The following LRBA variants were observed in gnomAD, a reference collection of about 807,000 sequenced individuals.
LRBA encodes the protein lipopolysaccharide-responsive and beige-like anchor protein.
Under a neutral mutation model 330.0 loss-of-function variants are expected in LRBA, and 176 were observed. That is an observed-to-expected ratio of 0.53 (90% confidence interval 0.47 to 0.60). The LOEUF (loss-of-function observed/expected upper bound fraction) is 0.60. LRBA is among the 20% of genes least tolerant of loss of function. The pLI, the probability that LRBA is intolerant of heterozygous loss-of-function variation, is 0.00. For missense variants in LRBA, 3,259 were observed against 3,444.8 expected (o/e 0.95, Z 1.35); for synonymous variants, 1,230 against 1,193.0 (o/e 1.03, Z -0.64).
intron 16 of LRBA, among the ~76,000 whole-genome samples, chr4:150,895,787 G>A (rs898868497): frequency 3.9e-5 from 6 of 152,110 alleles, no homozygotes; most frequent in African/African-American, 1.4e-4. Flanking sequence ...ATAATCCTTT[G>A]GGTATATACC....
chr4:150,685,323 T>TTG (rs1248201576), intron 36 of LRBA, among the ~76,000 whole-genome samples: 2 of 139,226 alleles, frequency 1.4e-5, no homozygotes, highest in East Asian at 2.1e-4. Context: ...TTGGTTTTTT[T>TTG]TGTTCCTTAC....
At chr4:150,559,569 T>C (rs1195891503) in intron 40 of LRBA, among the ~76,000 whole-genome samples, 2 of 120,260 alleles carry the variant, frequency 1.7e-5, no homozygotes, top group African/African-American at 6.3e-5. Context: ...TTTATATAAA[T>C]ATATAAATAT....
intron 35 of LRBA, among the ~76,000 whole-genome samples, chr4:150,741,392 A>C (rs1363468865): frequency 1.3e-5 from 2 of 152,172 alleles, no homozygotes; most frequent in African/African-American, 2.4e-5. Context: ...AATGGTGAAT[A>C]AGATTATGAA....
At chr4:150,723,950 G>A (rs779553649) in intron 36 of LRBA, among the ~76,000 whole-genome samples, 1 of 152,228 alleles carries the variant, frequency 6.6e-6, no homozygotes, top group African/African-American at 2.4e-5. Context: ...GGTGGTGGGG[G>A]TGGCCACAGG....
intron 2 of LRBA, among the ~76,000 whole-genome samples, chr4:151,003,820 C>T (rs1210923008): frequency 6.6e-6 from 1 of 151,798 alleles, no homozygotes; most frequent in Admixed American, 6.6e-5. Flanking sequence ...AAAACCAACA[C>T]ATAGACGAAT....
rs35393002 is a variant in LRBA, at chr4:150,432,453, CTTTTTTTT to C, written c.7041+3128_7041+3135del. On this transcript the variant is annotated intron_variant, in intron 46 of 56. Transcript: ENST00000651943. Reference sequence around the variant, plus strand: ...TATATTACAGTAATTTAAGTGTGTTCTTTTTTTTTTTTTTTTTTTTTTTTGAGACACAG... The same window carrying C: ...TATATTACAGTAATTTAAGTGTGTTCTTTTTTTTTTTTTTTTGAGACACAG... Among the ~76,000 whole-genome samples the C allele has an allele frequency of 3.1e-3, 305 of 98,432 alleles. 3 individuals are homozygous for C. Among genetic ancestry groups the C allele is most frequent in the Middle Eastern group, 8.5e-3 (1 of 118 alleles). 64.6% of individuals were successfully genotyped at this position (98,432 alleles called of 152,430 possible).
At chr4:150,788,992 T>G (rs1739503853) in intron 34 of LRBA, among the ~76,000 whole-genome samples, 1 of 151,938 alleles carries the variant, frequency 6.6e-6, no homozygotes, top group African/African-American at 2.4e-5. Flanking sequence ...GAGAATCACT[T>G]GAACCTGGGA....
rs558632220 is a variant in LRBA at position 150,294,291 on chromosome 4, G to A, written c.8018-8257C>T. Among the ~76,000 whole-genome samples, 15 of 152,190 alleles carry A rather than the reference G, an allele frequency of 9.9e-5. No individual in the cohort carries two copies. The East Asian group carries it at 1.7e-3, about 18-fold the overall frequency. Reference sequence around the variant, plus strand: ...ATACAGTTGTCTTTTTGTGTCTCTCGCAAATACTAAGAATGCTTTAGTGAT... The same window carrying A: ...ATACAGTTGTCTTTTTGTGTCTCTCACAAATACTAAGAATGCTTTAGTGAT... On this transcript the variant is annotated intron_variant, in intron 53 of 56. Transcript: ENST00000651943.
chr4:150,417,523 C>T (rs1747954744), intron 46 of LRBA, among the ~76,000 whole-genome samples: 1 of 152,068 alleles, frequency 6.6e-6, no homozygotes, highest in Admixed American at 6.6e-5. Context: ...ACTAATTATT[C>T]TCATTTCAGT....
chr4:150,282,415 A>C, intron 55 of LRBA, 35 bp downstream of exon 55: 4 of 1,581,480 alleles, frequency 2.5e-6, no homozygotes, highest in Non-Finnish European at 3.5e-6. Flanking sequence ...TTGAGGTAAA[A>C]GTCGTGAATG....
intron 28 of LRBA, among the ~76,000 whole-genome samples, chr4:150,843,231 C>T (rs1749367359): frequency 6.6e-6 from 1 of 151,666 alleles, no homozygotes; most frequent in South Asian, 2.1e-4. Context: ...AGTGATAATA[C>T]TCCAAATTCT....
intron 36 of LRBA, among the ~76,000 whole-genome samples, chr4:150,715,659 G>T (rs2127056901): frequency 6.6e-6 from 1 of 152,316 alleles, no homozygotes; most frequent in South Asian, 2.1e-4. Context: ...ATTGCCAAGT[G>T]TTAGTGAAAG....
Position 150,851,973 on chromosome 4 carries a change from A to C in LRBA, c.3737T>G (p.Val1246Gly). The stretch of plus-strand genomic sequence containing the variant: ...CTCAGTATCTGTAGCAACATTGGAA[A>C]CATCCAACTTCGCAATCTTTTGCTC... ...SSEQKIAKLD[V>G]SNVATDTERL... is the part of the protein sequence containing the mutation. The change falls in exon 23 of 57, where the codon GTT (valine) becomes GGT (glycine). Residue 1246 changes from valine to glycine, a missense_variant. Val to Gly is a moderately radical substitution (Grantham distance 109). Transcript: ENST00000651943. 2 of 1,614,176 alleles carry C rather than the reference A, an allele frequency of 1.2e-6. No homozygotes were observed. The highest frequency in any genetic ancestry group is 8.5e-7 in the Non-Finnish European group (1 of 1,179,996).
chr4:150,288,679 C>A (rs1580907698), intron 53 of LRBA, among the ~76,000 whole-genome samples: 1 of 151,950 alleles, frequency 6.6e-6, no homozygotes, highest in East Asian at 1.9e-4. Flanking sequence ...CACAAAAATA[C>A]CATACAATGT....
chr4:150,855,932 T>C (rs1751170800), intron 22 of LRBA, among the ~76,000 whole-genome samples: 1 of 152,160 alleles, frequency 6.6e-6, no homozygotes, highest in Admixed American at 6.5e-5. Context: ...TTCAGCTTAT[T>C]TGAGAGAATA....
At chr4:150,745,350 T>G (rs936803904) in intron 35 of LRBA, among the ~76,000 whole-genome samples, 3 of 151,984 alleles carry the variant, frequency 2.0e-5, no homozygotes, top group Non-Finnish European at 4.4e-5. Context: ...CTATCATATC[T>G]CTATAGAAGC....
chr4:150,494,711 G>A (rs1240741133), intron 40 of LRBA, among the ~76,000 whole-genome samples: 1 of 152,166 alleles, frequency 6.6e-6, no homozygotes, highest in Non-Finnish European at 1.5e-5. Context: ...ATATTCAGTA[G>A]TAGGCGGGGC....
At chr4:150,911,031 T>A (rs1184640919) in intron 9 of LRBA, among the ~76,000 whole-genome samples, 1 of 152,194 alleles carries the variant, frequency 6.6e-6, no homozygotes, top group African/African-American at 2.4e-5. Context: ...GATTTGTGTG[T>A]ATTGATTTTG....
chr4:150,487,938 T>C lies in LRBA; in HGVS notation c.6449-104A>G, dbSNP rs1758085641. 5.8e-6 allele frequency: 3 copies of C among 518,378 alleles called. No homozygotes were observed. In the Admixed American group the frequency reaches 8.5e-5, roughly 15 times the overall value. The allele number at this position is 518,378 out of a possible 1,614,324, so 32.1% of individuals were successfully genotyped here. ...ATTTACTTTTAATTCAGGTATCTAT[T>C]AAATACAATTCTTACTATATTCCTT... On this transcript the variant is annotated intron_variant, in intron 41 of 56. Coordinates refer to ENST00000651943, the MANE Select transcript of LRBA (RefSeq NM_001364905.1).
Sources: allele counts gnomAD v4.1 joint callset (sites outside exome capture counted in the v4.1 genomes callset), GRCh38; gene constraint gnomAD v4.1.1; transcripts MANE v1.5; gene names NCBI Gene and HGNC (gene_info 2026-07-23, HGNC 2026-07-21).